The following TTC6 variants were observed in gnomAD, a reference collection of about 807,000 sequenced individuals.
TTC6 encodes the protein tetratricopeptide repeat domain 6.
Under a neutral mutation model 210.4 loss-of-function variants are expected in TTC6, and 172 were observed. The observed-to-expected ratio is 0.82, with a 90% confidence interval of 0.72 to 0.93. The LOEUF is 0.93. TTC6 is among the 40% of genes least tolerant of loss of function. The probability of loss-of-function intolerance (pLI) is 0.00; values close to 1 mark genes in which losing one functional copy is unlikely to be tolerated. For missense variants in TTC6, 2,414 were observed against 2,318.1 expected, an observed-to-expected ratio of 1.04 and a Z score of -0.85; for synonymous variants, 804 against 819.6, an observed-to-expected ratio of 0.98 and a Z score of 0.32.
exon 11 of TTC6, chr14:37,749,073 T>G: frequency 6.5e-7 from 1 of 1,535,742 alleles, no homozygotes; most frequent in Non-Finnish European, 8.7e-7. Flanking sequence ...AAGGGAGGAA[T>G]TCCAGAAAAT....
intron 3 of TTC6, among the ~76,000 whole-genome samples, chr14:37,694,361 A>G (rs890271851): frequency 6.6e-6 from 1 of 152,176 alleles, no homozygotes; most frequent in Non-Finnish European, 1.5e-5. Context: ...AAAGTGCTCA[A>G]AACTACAATG....
At chr14:37,788,314 T>C (rs1165534412) in intron 15 of TTC6, among the ~76,000 whole-genome samples, 2 of 152,114 alleles carry the variant, frequency 1.3e-5, no homozygotes. Flanking sequence ...AAATCCAGCC[T>C]GAGTCTAACA....
chr14:37,684,984 C>T (rs941985923), intron 3 of TTC6, among the ~76,000 whole-genome samples: 2 of 152,158 alleles, frequency 1.3e-5, no homozygotes, highest in Admixed American at 6.6e-5. Context: ...AGAATTTGAT[C>T]AATCCTTACC....
intron 14 of TTC6, among the ~76,000 whole-genome samples, chr14:37,773,049 C>G (rs1342890066): frequency 6.6e-6 from 1 of 152,138 alleles, no homozygotes; most frequent in Non-Finnish European, 1.5e-5. Flanking sequence ...TGTATGTCTT[C>G]TATTGAAAAG....
intron 2 of TTC6, among the ~76,000 whole-genome samples, chr14:37,609,285 A>G (rs34273412): frequency 0.057 from 8,743 of 152,130 alleles, 388 homozygotes; most frequent in Non-Finnish European, 0.09. Flanking sequence ...GCATGCTGGT[A>G]CACTCCTGTA....
chr14:37,696,865 T>C, intron 4 of TTC6, 30 bp downstream of exon 6: 1 of 1,036,374 alleles, frequency 9.6e-7, no homozygotes, highest in Non-Finnish European at 1.3e-6. Context: ...AATTTTTCTA[T>C]TGGGAGAGGA....
chr14:37,600,496 C>G (rs2095613646), intron 1 of TTC6, among the ~76,000 whole-genome samples: 1 of 151,172 alleles, frequency 6.6e-6, no homozygotes, highest in Middle Eastern at 3.4e-3. Context: ...TCGCGCCCCT[C>G]CCCCCACACA....
chr14:37,688,022 G>A (rs557101299), intron 3 of TTC6, among the ~76,000 whole-genome samples: 77 of 152,216 alleles, frequency 5.1e-4, no homozygotes, highest in Non-Finnish European at 8.8e-4. Flanking sequence ...CTTGGCTCTT[G>A]TACACCATTT....
chr14:37,763,719 G>A (rs1173055594), intron 14 of TTC6, among the ~76,000 whole-genome samples: 3 of 151,898 alleles, frequency 2.0e-5, no homozygotes, highest in African/African-American at 7.3e-5. Flanking sequence ...TCTAGCTAAG[G>A]AATTGTCAAT....
chr14:37,655,867 C>G lies in TTC6; in HGVS notation c.940-24284C>G, dbSNP rs1293476229. On this transcript the variant is annotated intron_variant, in intron 1 of 30. Transcript: ENST00000553443. ...TTAGACTTTTAACCATCTCTCTTGA[C>G]TTCAGCTTTTTTTTTTTTTTAATTT... Among the ~76,000 whole-genome samples the G allele has an allele frequency of 3.3e-5, 5 of 149,730 alleles. No individual in the cohort carries two copies. The East Asian group carries it at 9.9e-4, about 30-fold the overall frequency.
At chr14:37,617,057 G>A (rs947497320) in intron 2 of TTC6, among the ~76,000 whole-genome samples, 2 of 151,848 alleles carry the variant, frequency 1.3e-5, no homozygotes, top group African/African-American at 4.8e-5. Context: ...TTTACTTTTT[G>A]TAGAGACAGG....
intron 10 of TTC6, among the ~76,000 whole-genome samples, chr14:37,744,269 TC>T (rs1401269381): frequency 6.6e-6 from 1 of 152,168 alleles, no homozygotes; most frequent in Non-Finnish European, 1.5e-5. Flanking sequence ...ATTGGCAAAC[TC>T]CCTGTCCTCA....
chr14:37,687,140 G>A (rs1464481895), intron 3 of TTC6, among the ~76,000 whole-genome samples: 6 of 152,246 alleles, frequency 3.9e-5, no homozygotes, highest in South Asian at 4.1e-4. Context: ...TGGCAGCAGA[G>A]GGGTGGTGCA....
intron 1 of TTC6, among the ~76,000 whole-genome samples, chr14:37,669,644 C>G (rs2095754676): frequency 6.6e-6 from 1 of 152,038 alleles, no homozygotes; most frequent in Non-Finnish European, 1.5e-5. Flanking sequence ...TCATAATAGA[C>G]TTTTGTCTTT....
chr14:37,704,912 A>C (rs2095832443), intron 5 of TTC6, among the ~76,000 whole-genome samples: 1 of 152,146 alleles, frequency 6.6e-6, no homozygotes, highest in African/African-American at 2.4e-5. Flanking sequence ...TAATTTATTC[A>C]ATGAATCTTC....
chr14:37,830,461 ATGT>A (rs1254010507), intron 29 of TTC6, among the ~76,000 whole-genome samples: 1 of 151,624 alleles, frequency 6.6e-6, no homozygotes, highest in Non-Finnish European at 1.5e-5. Flanking sequence ...AATTATATAG[ATGT>A]TGTATATTCC....
At chr14:37,830,701 A>G (rs2096182577) in intron 29 of TTC6, among the ~76,000 whole-genome samples, 1 of 150,040 alleles carries the variant, frequency 6.7e-6, no homozygotes, top group Non-Finnish European at 1.5e-5. Context: ...TTTCTGATTC[A>G]TTTTTTCTTG....
At chr14:37,658,402 T>C (rs570069708) in intron 1 of TTC6, among the ~76,000 whole-genome samples, 4 of 152,306 alleles carry the variant, frequency 2.6e-5, no homozygotes, top group South Asian at 2.1e-4. Context: ...CATGAGGACA[T>C]TGGCCATTGT....
chr14:37,736,662 A>G (rs1012788697), intron 8 of TTC6, among the ~76,000 whole-genome samples: 1 of 152,166 alleles, frequency 6.6e-6, no homozygotes, highest in African/African-American at 2.4e-5. Context: ...CATAATCATG[A>G]CTTTTGGTAT....
Sources: gnomAD v4.1 joint callset for allele counts (sites outside exome capture counted in the v4.1 genomes callset) on GRCh38, gnomAD v4.1.1 for gene constraint, MANE v1.5 for transcripts, NCBI Gene and HGNC (gene_info 2026-07-23, HGNC 2026-07-21) for gene names.